FOXP2: variants seen among roughly 807,000 people sequenced by gnomAD.
The protein encoded by FOXP2 is forkhead box protein P2.
Under a neutral mutation model 115.8 loss-of-function variants are expected in FOXP2, and 12 were observed. The ratio of observed to expected loss-of-function variants is 0.10; its 90% CI spans 0.07 to 0.17. FOXP2 has a LOEUF of 0.17. FOXP2 is among the 10% of genes least tolerant of loss of function. FOXP2 has a pLI of 1.00. For synonymous variants in FOXP2, 328 were observed against 297.7 expected (o/e 1.10, Z -1.05); for missense variants, 629 against 843.5 (o/e 0.75, Z 3.15).
At chr7:114,121,120 G>A (rs1275321847) in intron 1 of FOXP2, among the ~76,000 whole-genome samples, 1 of 152,102 alleles carries the variant, frequency 6.6e-6, no homozygotes, top group Non-Finnish European at 1.5e-5. Flanking sequence ...TTAACCCCCA[G>A]TGTGACAGAA....
At chr7:114,232,801 G>A (rs1435770419) in intron 1 of FOXP2, among the ~76,000 whole-genome samples, 3 of 139,132 alleles carry the variant, frequency 2.2e-5, no homozygotes, top group African/African-American at 5.5e-5. Flanking sequence ...CAAGAAGAGC[G>A]AAACTCCGTC....
chr7:114,286,517 A>G (rs1796471031), intron 1 of FOXP2, among the ~76,000 whole-genome samples: 1 of 152,068 alleles, frequency 6.6e-6, no homozygotes, highest in Non-Finnish European at 1.5e-5. Context: ...GACTTATACT[A>G]AAGAAATCCA....
At chr7:114,495,222 G>A (rs1797252659) in intron 2 of FOXP2, among the ~76,000 whole-genome samples, 2 of 152,152 alleles carry the variant, frequency 1.3e-5, no homozygotes. Context: ...TGGGTCCAGA[G>A]GCTTGTATAT....
intron 2 of FOXP2, among the ~76,000 whole-genome samples, chr7:114,379,660 T>A (rs1259347206): frequency 6.6e-6 from 1 of 152,182 alleles, no homozygotes; most frequent in African/African-American, 2.4e-5. Flanking sequence ...TTTTACAGTT[T>A]CAATTCTGGA....
At position 114,693,324 on chromosome 7, in the gene FOXP2, G is replaced by A. The variant is rs563049928; in HGVS notation, c.*3398G>A. On this transcript the variant is annotated 3_prime_UTR_variant, in exon 17 of 17. Coordinates refer to ENST00000350908, the MANE Select transcript of FOXP2 (RefSeq NM_014491.4). ...AGGGAATCGAAGAATAGTCAGCTAG[G>A]AATAGAGCTACAGAAGTACACTTAC... 1.7e-4 allele frequency: 77 copies of A among 453,574 alleles called. No individual in the cohort carries two copies. Among genetic ancestry groups the A allele is most frequent in the South Asian group, 1.1e-3 (72 of 64,402 alleles). The allele number at this position is 453,574 out of a possible 1,614,324, so 28.1% of individuals were successfully genotyped here.
At chr7:114,570,737 A>G in intron 3 of FOXP2, 1 of 1,118,628 alleles carries the variant, frequency 8.9e-7, no homozygotes, top group Admixed American at 1.7e-5. Flanking sequence ...AAAAATGATA[A>G]TGTACGTTAT....
chr7:114,169,116 T>C (rs1458276181), intron 1 of FOXP2, among the ~76,000 whole-genome samples: 3 of 151,780 alleles, frequency 2.0e-5, no homozygotes, highest in African/African-American at 7.3e-5. Flanking sequence ...AGAAGGGAAA[T>C]GTGGGGTCAG....
intron 2 of FOXP2, among the ~76,000 whole-genome samples, chr7:114,476,698 A>G (rs1422897941): frequency 1.3e-5 from 2 of 151,970 alleles, no homozygotes; most frequent in South Asian, 2.1e-4. Flanking sequence ...GAATCTATAG[A>G]TTGGTTTGGG....
At chr7:114,129,457 G>A (rs1791813152) in intron 1 of FOXP2, among the ~76,000 whole-genome samples, 1 of 152,032 alleles carries the variant, frequency 6.6e-6, no homozygotes, top group Non-Finnish European at 1.5e-5. Context: ...GCAACCATGG[G>A]TCAATGCCAT....
chr7:114,494,663 T>C lies in FOXP2; in HGVS notation c.169-39954T>C, dbSNP rs148787637. Among the ~76,000 whole-genome samples, 1,091 of 152,278 alleles carry C rather than the reference T, an allele frequency of 7.2e-3. 15 individuals are homozygous for C. Among genetic ancestry groups the C allele is most frequent in the African/African-American group, 0.025 (1,025 of 41,556 alleles). On this transcript the variant is annotated intron_variant, in intron 2 of 16. Transcript: ENST00000350908. Reference sequence around the variant, plus strand: ...GAACATTTAAAAACAATGGAAGATGTATTTGCCCTCAGAGTTATTTGTATA... The same window carrying C: ...GAACATTTAAAAACAATGGAAGATGCATTTGCCCTCAGAGTTATTTGTATA...
chr7:114,103,100 A>G (rs1257028829), intron 1 of FOXP2, among the ~76,000 whole-genome samples: 1 of 152,098 alleles, frequency 6.6e-6, no homozygotes, highest in Non-Finnish European at 1.5e-5. Flanking sequence ...AGGGCCGAAC[A>G]AAAATGTGAG....
intron 2 of FOXP2, among the ~76,000 whole-genome samples, chr7:114,337,413 A>T (rs1236141544): frequency 6.6e-6 from 1 of 151,238 alleles, no homozygotes; most frequent in Non-Finnish European, 1.5e-5. Context: ...ACTATGAGCG[A>T]TTCAACTATT....
intron 2 of FOXP2, among the ~76,000 whole-genome samples, chr7:114,289,902 T>C (rs1335921166): frequency 6.6e-6 from 1 of 151,976 alleles, no homozygotes; most frequent in Non-Finnish European, 1.5e-5. Context: ...TTTTGAACCC[T>C]TGAGCTGGAA....
chr7:114,351,763 C>A (rs956018461), intron 2 of FOXP2, among the ~76,000 whole-genome samples: 2 of 151,890 alleles, frequency 1.3e-5, no homozygotes, highest in Non-Finnish European at 2.9e-5. Context: ...TCTTTTCCTT[C>A]ATTATTATGG....
intron 2 of FOXP2, among the ~76,000 whole-genome samples, chr7:114,376,803 G>T (rs1009699327): frequency 1.2e-4 from 18 of 151,920 alleles, no homozygotes; most frequent in Admixed American, 7.2e-4. Context: ...TTAGAAAACT[G>T]TCAAAAGGCT....
intron 1 of FOXP2, among the ~76,000 whole-genome samples, chr7:114,152,102 T>C (rs926302128): frequency 1.3e-5 from 2 of 152,134 alleles, no homozygotes; most frequent in Admixed American, 6.6e-5. Context: ...TTGGCCATTA[T>C]CCCAGCAAGT....
At chr7:114,538,500 T>A (rs1178047517) in intron 3 of FOXP2, 2 of 525,288 alleles carry the variant, frequency 3.8e-6, no homozygotes, top group Non-Finnish European at 6.1e-6. Flanking sequence ...GTAATTGAAT[T>A]ATAAAATTTT....
chr7:114,549,165 GT>G (rs1188712883), intron 3 of FOXP2, among the ~76,000 whole-genome samples: 1 of 152,146 alleles, frequency 6.6e-6, no homozygotes, highest in Non-Finnish European at 1.5e-5. Flanking sequence ...ATACTGCTGT[GT>G]TCTACGATCC....
intron 3 of FOXP2, among the ~76,000 whole-genome samples, chr7:114,552,094 G>A (rs536980823): frequency 7.3e-4 from 111 of 152,228 alleles, no homozygotes; most frequent in African/African-American, 2.5e-3. Flanking sequence ...GAATTTGTGC[G>A]TACATTCATG....
Sources: gnomAD v4.1 joint callset for allele counts (sites outside exome capture counted in the v4.1 genomes callset) on GRCh38, gnomAD v4.1.1 for gene constraint, MANE v1.5 for transcripts, NCBI Gene and HGNC (gene_info 2026-07-23, HGNC 2026-07-21) for gene names.